MYH11: variants seen among roughly 807,000 people sequenced by gnomAD.
MYH11 encodes myosin heavy chain 11.
In MYH11, 80 loss-of-function variants were observed where a neutral mutation model predicts 246.6. The observed-to-expected ratio is 0.32, with a 90% confidence interval of 0.27 to 0.39. The LOEUF is 0.39. Among genes scored for constraint, MYH11 ranks in the 10% least tolerant of loss-of-function variants. MYH11 has a pLI of 1.00. For missense variants in MYH11, 2,158 were observed against 2,546.8 expected, an observed-to-expected ratio of 0.85 and a Z score of 3.29; for synonymous variants, 1,071 against 1,015.5, an observed-to-expected ratio of 1.05 and a Z score of -1.04.
chr16:15,807,680 G>T (rs2043046040), intron 3 of MYH11, among the ~76,000 whole-genome samples: 1 of 152,056 alleles, frequency 6.6e-6, no homozygotes. Flanking sequence ...GAGCTTCCCA[G>T]CCCAGATCCC....
intron 9 of MYH11, among the ~76,000 whole-genome samples, chr16:15,764,544 A>T (rs970814426): frequency 2.0e-5 from 3 of 152,190 alleles, no homozygotes; most frequent in Non-Finnish European, 4.4e-5. Context: ...ACAGATGGAA[A>T]CAAGAACATA....
chr16:15,762,296 A>C (rs1330385668), intron 10 of MYH11, among the ~76,000 whole-genome samples: 1 of 152,204 alleles, frequency 6.6e-6, no homozygotes, highest in African/African-American at 2.4e-5. Context: ...AGTTTAAAAC[A>C]CAAGAACCCT....
chr16:15,729,987 T>C (rs978297643), intron 27 of MYH11, among the ~76,000 whole-genome samples: 3 of 152,054 alleles, frequency 2.0e-5, no homozygotes, highest in Non-Finnish European at 4.4e-5. Flanking sequence ...CGCCCGGCCT[T>C]TGGGGGCAGT....
rs1314529435 is a variant in MYH11 at position 15,719,264 on chromosome 16, C to A, written c.5127G>T (p.Glu1709Asp). 1 of 1,613,400 alleles carries A rather than the reference C, an allele frequency of 6.2e-7. No homozygotes were observed. Among genetic ancestry groups the A allele is most frequent in the Non-Finnish European group, 8.5e-7 (1 of 1,180,038 alleles). ...CCAGCTCCTCTGCCAGTTCCTCCTT[C>A]TCGAGGTCCGCTTGTTTGCGAGCCC... ...AERARKQADL[E>D]KEELAEELAS... Residue 1709 changes from glutamate to aspartate, a missense_variant, in exon 36 of 41, where the codon GAG becomes GAT. Physicochemically the swap from Glu to Asp is conservative, Grantham distance 45. This residue lies in a region of MYH11 where 1,013 missense variants were observed against 993.5 expected (regional missense o/e 1.02). Coordinates refer to ENST00000300036, the MANE Select transcript of MYH11 (RefSeq NM_002474.3).
At chr16:15,763,758 C>CCCCCCCACA in intron 10 of MYH11, 38 bp downstream of exon 10, 1 of 1,086,150 alleles carries the variant, frequency 9.2e-7, no homozygotes, top group Non-Finnish European at 1.4e-6. Context: ...CCCCCCCAAC[C>CCCCCCCACA]CCAAAGTCAT....
In MYH11 at chr16:15,750,859, C is replaced by T. The variant is rs1368898669; in HGVS notation, c.1865-528G>A. Among the ~76,000 whole-genome samples the T allele has an allele frequency of 6.6e-6, 1 of 152,064 alleles. No individual in the cohort carries two copies. The highest frequency in any genetic ancestry group is 2.4e-5 in the African/African-American group (1 of 41,398). ...CAGGGAAGGAGACAGACAGAGATCA[C>T]AGATGTTAAGTATGGAATATCTTGA... On this transcript the variant is annotated intron_variant, in intron 15 of 40. Coordinates refer to ENST00000300036, the MANE Select transcript of MYH11 (RefSeq NM_002474.3). The surrounding 1 kb of genome is among the most constrained non-coding windows in gnomAD (Gnocchi z 4.3).
Position 15,757,798 on chromosome 16 carries a change from G to A in MYH11, c.1575+29C>T, listed in dbSNP as rs35053133. ...GCCACACACGTGTACAAGGTGTGAC[G>A]GAGCCCCGCACGCCCACGTGCCCCT... On this transcript the variant is annotated intron_variant, in intron 13 of 40. Coordinates refer to ENST00000300036, the MANE Select transcript of MYH11 (RefSeq NM_002474.3). The A allele has an allele frequency of 9.5e-3, 15,395 of 1,614,050 alleles. 403 individuals carry two copies. In the East Asian group the frequency reaches 0.11, roughly 11 times the overall value.
chr16:15,747,907 G>A lies in MYH11; in HGVS notation c.2217C>T (p.Gly739=), dbSNP rs1447822522. ...TGCAGGCCTGCTTCCCGTCCATGAA[G>A]CCTTTGGGGATGGCATTCGCCGCCA... ...EILAANAIPK[G]FMDGKQACIL... Residue 739 remains glycine (G), a synonymous_variant, in exon 18 of 41, where the codon GGC becomes GGT. Coordinates refer to ENST00000300036, the MANE Select transcript of MYH11 (RefSeq NM_002474.3). 1 of 1,613,972 alleles carries A rather than the reference G, an allele frequency of 6.2e-7. No homozygotes were observed. The highest frequency in any genetic ancestry group is 1.7e-5 in the Admixed American group (1 of 59,984).
chr16:15,831,027 C>T (rs922863946), intron 2 of MYH11, among the ~76,000 whole-genome samples: 1 of 152,140 alleles, frequency 6.6e-6, no homozygotes, highest in African/African-American at 2.4e-5. Context: ...CAAAAATCAG[C>T]TGGGTGTGGT....
intron 38 of MYH11, among the ~76,000 whole-genome samples, 186 bp downstream of exon 38, chr16:15,716,949 TAGGCC>T (rs2040183941): frequency 6.6e-6 from 1 of 152,226 alleles, no homozygotes; most frequent in South Asian, 2.1e-4. Context: ...GTGCTTGCCC[TAGGCC>T]AGGAACCAGC....
Position 15,786,693 on chromosome 16 carries a change from C to A in MYH11, c.570G>T (p.Lys190Asn). ...SGAGKTENTKKVIQYLAVVAS... is the reference protein window; with the variant it reads ...SGAGKTENTKNVIQYLAVVAS... ...CCACCACGGCCAGGTACTGAATGAC[C>A]TTCTTGGTGTTTTCGGTTTTCCCGG... is the stretch of plus-strand genomic sequence containing the variant. The change falls in exon 5 of 41, where the codon AAG (lysine) becomes AAT (asparagine). Residue 190 changes from lysine (K) to asparagine (N), a missense_variant. Transcript: ENST00000300036. 1 of 1,614,114 alleles carries A rather than the reference C, an allele frequency of 6.2e-7. No homozygotes were observed.
chr16:15,774,529 C>A (rs1294605642), intron 8 of MYH11, among the ~76,000 whole-genome samples: 1 of 152,186 alleles, frequency 6.6e-6, no homozygotes, highest in Non-Finnish European at 1.5e-5. Context: ...TTCAGCATTC[C>A]CCCTTTACCA....
chr16:15,775,254 T>C (rs1383842762), intron 8 of MYH11, among the ~76,000 whole-genome samples: 1 of 152,224 alleles, frequency 6.6e-6, no homozygotes, highest in Non-Finnish European at 1.5e-5. Flanking sequence ...AACTTTTCCC[T>C]ACAACAGAGG....
chr16:15,798,375 C>T (rs1008059945), intron 4 of MYH11, among the ~76,000 whole-genome samples: 2 of 152,074 alleles, frequency 1.3e-5, no homozygotes, highest in Non-Finnish European at 2.9e-5. Context: ...GCACAGAGTA[C>T]ATGTTCAATA....
chr16:15,719,061 G>T (rs896433775), intron 36 of MYH11, 159 bp downstream of exon 36: 1 of 707,402 alleles, frequency 1.4e-6, no homozygotes, highest in African/African-American at 1.7e-5. Context: ...CTGGGAGGTG[G>T]AGGTTGCAGT....
rs9934088 is a variant in MYH11, at chr16:15,784,602, C to G, written c.633+2028G>C. The G allele has an allele frequency of 9.8e-3, 13,384 of 1,364,054 alleles. 901 individuals carry two copies. The African/African-American group carries it at 0.16, about 16-fold the overall frequency. The allele number at this position is 1,364,054 out of a possible 1,614,324, so 84.5% of individuals were successfully genotyped here. A position where few individuals can be genotyped will look rare whatever the true frequency, so the allele number is the denominator to read the frequency against. ...TCTAGGGCCTACCCCATTTCTACCA[C>G]CAGCTACGGGACTCGGTGGGTGCAA... On this transcript the variant is annotated intron_variant, in intron 5 of 40. Transcript: ENST00000300036.
intron 3 of MYH11, among the ~76,000 whole-genome samples, chr16:15,812,389 C>T (rs2043157486): frequency 6.6e-6 from 1 of 151,794 alleles, no homozygotes; most frequent in African/African-American, 2.4e-5. Flanking sequence ...GTTGCCATTT[C>T]ATAAGCACCA....
At chr16:15,845,296 C>T (rs989957802) in intron 1 of MYH11, among the ~76,000 whole-genome samples, 11 of 108,556 alleles carry the variant, frequency 1.0e-4, no homozygotes, top group Admixed American at 8.0e-4. Context: ...TATTTTTTCG[C>T]GATTTTTTTT....
intron 1 of MYH11, among the ~76,000 whole-genome samples, chr16:15,855,657 C>T (rs895105882): frequency 7.9e-5 from 12 of 152,174 alleles, no homozygotes; most frequent in Non-Finnish European, 7.3e-5. Flanking sequence ...GTTCCATCAA[C>T]GGTAGCTATC....
Sources: allele counts gnomAD v4.1 joint callset (sites outside exome capture counted in the v4.1 genomes callset), GRCh38; gene constraint gnomAD v4.1.1; regional missense constraint gnomAD v4.1.1; non-coding constraint Gnocchi (gnomAD v3.1); transcripts MANE v1.5; gene names NCBI Gene and HGNC (gene_info 2026-07-23, HGNC 2026-07-21).